The following KHDRBS3 variants were observed in gnomAD, a reference collection of about 807,000 sequenced individuals.
KHDRBS3 encodes KH domain-containing, RNA-binding, signal transduction-associated protein 3.
Under a neutral mutation model 45.6 loss-of-function variants are expected in KHDRBS3, and 23 were observed. That is an observed-to-expected ratio of 0.50 (90% CI 0.36 to 0.72). KHDRBS3 has a LOEUF of 0.72. Among genes scored for constraint, KHDRBS3 ranks in the 30% least tolerant of loss-of-function variants. KHDRBS3 has a pLI of 0.00. For missense variants in KHDRBS3, 352 were observed against 424.8 expected (o/e 0.83, Z 1.51); for synonymous variants, 162 against 156.5 (o/e 1.04, Z -0.26).
intron 1 of KHDRBS3, among the ~76,000 whole-genome samples, chr8:135,465,525 T>C (rs1472500853): frequency 6.6e-6 from 1 of 152,232 alleles, no homozygotes; most frequent in East Asian, 1.9e-4. Flanking sequence ...AGGAAGCTTC[T>C]TTCATTAATA....
chr8:135,606,431 G>A (rs1829465837), intron 6 of KHDRBS3, among the ~76,000 whole-genome samples: 1 of 152,126 alleles, frequency 6.6e-6, no homozygotes, highest in Admixed American at 6.6e-5. Flanking sequence ...CAGATACCCT[G>A]AGGAAAAAGG....
chr8:135,650,239 C>T (rs1831401579), downstream of KHDRBS3, among the ~76,000 whole-genome samples: 1 of 152,182 alleles, frequency 6.6e-6, no homozygotes, highest in Non-Finnish European at 1.5e-5. Flanking sequence ...AGCCCCATGA[C>T]ACACAACTTT....
At chr8:135,486,078 C>T (rs1822848141) in intron 1 of KHDRBS3, among the ~76,000 whole-genome samples, 1 of 151,862 alleles carries the variant, frequency 6.6e-6, no homozygotes. Context: ...TGGCCGTATG[C>T]CCAGTCATGA....
At chr8:135,584,323 A>G (rs2130934187) in intron 6 of KHDRBS3, among the ~76,000 whole-genome samples, 1 of 152,366 alleles carries the variant, frequency 6.6e-6, no homozygotes, top group African/African-American at 2.4e-5. Context: ...TCATACAATT[A>G]CAAGTCTTGC....
chr8:135,503,707 T>TA (rs1430531227), intron 1 of KHDRBS3, among the ~76,000 whole-genome samples: 1 of 152,082 alleles, frequency 6.6e-6, no homozygotes, highest in African/African-American at 2.4e-5. Context: ...AAGTATAAGT[T>TA]ATGATAGTAG....
At chr8:135,534,730 T>C (rs1320329559) in intron 2 of KHDRBS3, among the ~76,000 whole-genome samples, 1 of 152,168 alleles carries the variant, frequency 6.6e-6, no homozygotes, top group Admixed American at 6.5e-5. Flanking sequence ...CGTGGTGCCC[T>C]TCCCGGAGTT....
At chr8:135,464,671 C>A (rs1278332481) in intron 1 of KHDRBS3, among the ~76,000 whole-genome samples, 2 of 152,132 alleles carry the variant, frequency 1.3e-5, no homozygotes, top group Admixed American at 6.5e-5. Flanking sequence ...ATAGTAGCTA[C>A]CATTTATCAA....
intron 7 of KHDRBS3, among the ~76,000 whole-genome samples, chr8:135,627,554 G>A (rs1160945844): frequency 1.3e-5 from 2 of 152,080 alleles, no homozygotes; most frequent in East Asian, 3.9e-4. Context: ...ATGCCTATTG[G>A]TTCTTACCTT....
chr8:135,462,774 T>C (rs1436099294), intron 1 of KHDRBS3, among the ~76,000 whole-genome samples: 1 of 151,968 alleles, frequency 6.6e-6, no homozygotes, highest in Non-Finnish European at 1.5e-5. Context: ...GAGTGAAGGG[T>C]CAAGCTTTGT....
rs1421758872 is a variant in KHDRBS3, at chr8:135,494,063, A to G, written c.89-27174A>G. On this transcript the variant is annotated intron_variant, in intron 1 of 8. Coordinates refer to ENST00000355849, the MANE Select transcript of KHDRBS3 (RefSeq NM_006558.3). Reference sequence around the variant, plus strand: ...GTTAATAATATTCTCTGATTCTTATAGTGAATGTAGGATCTGTGGTGGTGT... The same window carrying G: ...GTTAATAATATTCTCTGATTCTTATGGTGAATGTAGGATCTGTGGTGGTGT... 4.6e-5 allele frequency among the ~76,000 whole-genome samples: 7 copies of G among 152,222 alleles called. No individual in the cohort carries two copies. In the East Asian group the frequency reaches 1.2e-3, roughly 25 times the overall value.
chr8:135,580,590 CCTCT>C (rs1169923352), intron 5 of KHDRBS3, among the ~76,000 whole-genome samples: 4 of 147,006 alleles, frequency 2.7e-5, no homozygotes, highest in African/African-American at 5.0e-5. Context: ...AAATCCTCTT[CCTCT>C]CTCTCTCTCT....
intron 2 of KHDRBS3, among the ~76,000 whole-genome samples, chr8:135,521,877 T>G (rs1486976889): frequency 6.6e-6 from 1 of 152,224 alleles, no homozygotes; most frequent in Non-Finnish European, 1.5e-5. Flanking sequence ...TCTAGGCACT[T>G]TTAATTTTTT....
chr8:135,494,734 G>A (rs1365008786), intron 1 of KHDRBS3, among the ~76,000 whole-genome samples: 2 of 152,174 alleles, frequency 1.3e-5, no homozygotes, highest in Non-Finnish European at 1.5e-5. Context: ...TGCTGTATGT[G>A]TGTGTAGGCT....
intron 5 of KHDRBS3, among the ~76,000 whole-genome samples, chr8:135,573,998 TA>T (rs1217562536): frequency 6.6e-6 from 1 of 152,190 alleles, no homozygotes; most frequent in African/African-American, 2.4e-5. Flanking sequence ...TTTCTGTTTT[TA>T]AAAAAAGTGT....
intron 1 of KHDRBS3, among the ~76,000 whole-genome samples, chr8:135,482,036 A>G (rs555784093): frequency 1.1e-4 from 17 of 152,290 alleles, no homozygotes; most frequent in African/African-American, 3.6e-4. Flanking sequence ...ATACTGTTAA[A>G]TGGGCAGAGA....
rs1826944351 is a variant in KHDRBS3, at chr8:135,557,480, C to T, written c.504C>T (p.Leu168=). Residue 168 remains leucine, a synonymous_variant, in exon 5 of 9, where the codon CTC becomes CTT. Coordinates refer to ENST00000355849, the MANE Select transcript of KHDRBS3 (RefSeq NM_006558.3). ...ATGATGAGATCAGGCAAGCACAGCTCCAGGAGTTAACATATTTGAATGGTG... is the reference window on the plus strand; with the variant it reads ...ATGATGAGATCAGGCAAGCACAGCTTCAGGAGTTAACATATTTGAATGGTG... ...DYNDEIRQAQ[L]QELTYLNGGS... 1.2e-6 allele frequency: 2 copies of T among 1,611,130 alleles called. No individual in the cohort carries two copies. Among genetic ancestry groups the T allele is most frequent in the South Asian group, 2.2e-5 (2 of 91,016 alleles).
At chr8:135,646,051 T>C (rs1586857767) in intron 8 of KHDRBS3, among the ~76,000 whole-genome samples, 1 of 146,546 alleles carries the variant, frequency 6.8e-6, no homozygotes, top group East Asian at 2.0e-4. Flanking sequence ...TTAAGAGAAA[T>C]ATGTTGGTTT....
At chr8:135,536,966 C>CAAAAAAAAAAAA (rs869256475) in intron 2 of KHDRBS3, among the ~76,000 whole-genome samples, 3 of 11,764 alleles carry the variant, frequency 2.6e-4, no homozygotes, top group African/African-American at 4.2e-4. Flanking sequence ...AACTCCATCT[C>CAAAAAAAAAAAA]AAAAAAAAAA....
intron 1 of KHDRBS3, among the ~76,000 whole-genome samples, chr8:135,519,942 A>T (rs945326645): frequency 1.3e-5 from 2 of 152,196 alleles, no homozygotes; most frequent in African/African-American, 4.8e-5. Context: ...TTATCCCAAG[A>T]TACTGTAAAA....
Sources: gnomAD v4.1 joint callset for allele counts (sites outside exome capture counted in the v4.1 genomes callset) on GRCh38, gnomAD v4.1.1 for gene constraint, MANE v1.5 for transcripts, NCBI Gene and HGNC (gene_info 2026-07-23, HGNC 2026-07-21) for gene names.